DMD: variants seen among roughly 807,000 people sequenced by gnomAD.
DMD encodes the protein dystrophin.
A neutral mutation model predicts 330.1 loss-of-function variants in DMD; 63 were observed. The observed-to-expected ratio is 0.19, with a 90% CI of 0.16 to 0.24. DMD has a LOEUF of 0.24. DMD is among the 10% of genes least tolerant of loss of function. The pLI, the probability that DMD is intolerant of heterozygous loss-of-function variation, is 1.00. For missense variants in DMD, 3,344 were observed against 2,684.1 expected (o/e 1.25, Z -5.43); for synonymous variants, 1,223 against 959.8 (o/e 1.27, Z -5.07).
At chrX:31,382,625 T>C (rs1432781853) in intron 60 of DMD, among the ~76,000 whole-genome samples, 1 of 111,413 alleles carries the variant, frequency 9.0e-6, no homozygotes, top group African/African-American at 3.3e-5. Context: ...TTTTTCTCCT[T>C]CTCTTATTCC....
At chrX:32,770,338 A>C (rs1327027245) in intron 7 of DMD, among the ~76,000 whole-genome samples, 4 of 111,770 alleles carry the variant, frequency 3.6e-5, no homozygotes, top group African/African-American at 1.3e-4. Flanking sequence ...CCAGCAGAGA[A>C]TGTAGAATTT....
intron 7 of DMD, among the ~76,000 whole-genome samples, chrX:32,717,919 A>G: frequency 9.0e-6 from 1 of 111,432 alleles, no homozygotes; most frequent in Non-Finnish European, 1.9e-5. Context: ...CAGGGCCTGT[A>G]ACCCCTTTCT....
intron 43 of DMD, among the ~76,000 whole-genome samples, chrX:32,282,115 A>G (rs1332268674): frequency 8.9e-6 from 1 of 112,145 alleles, no homozygotes; most frequent in Non-Finnish European, 1.9e-5. Context: ...TAGCATTTGA[A>G]CTGTTCTACC....
At position 33,232,465 on chromosome X, in the gene DMD, G is replaced by T. The variant is rs758856101; in HGVS notation, c.7+106794C>A. ...GGGAATATTCTGTGTGGGAAAAAACGGATTGGAGTGGGAGCAGAAAAACAA... is the reference window on the plus strand; with the variant it reads ...GGGAATATTCTGTGTGGGAAAAAACTGATTGGAGTGGGAGCAGAAAAACAA... On this transcript the variant is annotated intron_variant, in intron 1 of 17. Transcript: ENST00000288447. 2.7e-5 allele frequency among the ~76,000 whole-genome samples: 3 copies of T among 111,732 alleles called. No individual in the cohort carries two copies. In the South Asian group the frequency reaches 1.1e-3, roughly 42 times the overall value.
intron 45 of DMD, among the ~76,000 whole-genome samples, chrX:31,955,547 C>T (rs1292827285): frequency 8.9e-6 from 1 of 111,880 alleles, no homozygotes; most frequent in African/African-American, 3.3e-5. Flanking sequence ...CTTATGATCT[C>T]GAAGAGTCAG....
chrX:32,652,202 T>C (rs1478301234), intron 9 of DMD, among the ~76,000 whole-genome samples: 3 of 110,430 alleles, frequency 2.7e-5, no homozygotes, highest in Non-Finnish European at 3.8e-5. Context: ...TTGTTACATA[T>C]GTATACATGT....
intron 51 of DMD, among the ~76,000 whole-genome samples, chrX:31,732,121 C>A (rs1292102099): frequency 9.0e-6 from 1 of 111,314 alleles, no homozygotes; most frequent in Non-Finnish European, 1.9e-5. Context: ...TAATGAGATC[C>A]TTTGAAGCAG....
At chrX:32,831,916 T>A (rs1038776528) in intron 4 of DMD, among the ~76,000 whole-genome samples, 14 of 110,999 alleles carry the variant, frequency 1.3e-4, no homozygotes, top group Non-Finnish European at 1.7e-4. Flanking sequence ...ATATATGGTG[T>A]CTGCCTCTTC....
chrX:32,144,699 C>T (rs1241458502), intron 44 of DMD, among the ~76,000 whole-genome samples: 1 of 111,950 alleles, frequency 8.9e-6, no homozygotes, highest in East Asian at 2.8e-4. Context: ...TGATGTTAAA[C>T]TATTATGCAA....
intron 2 of DMD, among the ~76,000 whole-genome samples, chrX:33,014,409 C>A (rs2093759873): frequency 8.9e-6 from 1 of 111,914 alleles, no homozygotes. Flanking sequence ...AAAACCAGGA[C>A]ACTTACAGTA....
rs754850105 is a variant in DMD, at chrX:32,239,418, C to T, written c.6291-22355G>A. Among the ~76,000 whole-genome samples the T allele has an allele frequency of 4.5e-5, 5 of 111,703 alleles. No homozygotes were observed. The South Asian group carries it at 1.9e-3, about 42-fold the overall frequency. ...AATCGAGGGGAAAGTACAGAGATTTCCCGTATACTCTCTGGCCCCCTTCCT... is the reference window on the plus strand; with the variant it reads ...AATCGAGGGGAAAGTACAGAGATTTTCCGTATACTCTCTGGCCCCCTTCCT... On this transcript the variant is annotated intron_variant, in intron 43 of 78. Transcript: ENST00000357033.
intron 7 of DMD, among the ~76,000 whole-genome samples, chrX:32,746,635 A>T (rs113674259): frequency 6.3e-4 from 71 of 112,247 alleles, no homozygotes; most frequent in African/African-American, 2.2e-3. Flanking sequence ...TATGAATATA[A>T]CATGTAATAA....
In DMD at chrX:31,778,565, A is replaced by ATTTTTTT. The variant is rs36164865; in HGVS notation, c.7310-4380_7310-4374dup. 1.6e-4 allele frequency among the ~76,000 whole-genome samples: 10 copies of ATTTTTTT among 63,039 alleles called. 2 individuals are homozygous for ATTTTTTT. Among genetic ancestry groups the ATTTTTTT allele is most frequent in the South Asian group, 9.6e-4 (1 of 1,039 alleles). The allele number at this position is 63,039 out of a possible 115,157, so 54.7% of individuals were successfully genotyped here. Reference sequence around the variant, plus strand: ...AGGACAGAAGTTTTGAAGTCCTGAAATTTTTTTTTTTTTTTTTTTTTTTTG... The same window carrying ATTTTTTT: ...AGGACAGAAGTTTTGAAGTCCTGAAATTTTTTTTTTTTTTTTTTTTTTTTTTTTTTTG... On this transcript the variant is annotated intron_variant, in intron 50 of 78. Transcript: ENST00000357033.
intron 62 of DMD, among the ~76,000 whole-genome samples, chrX:31,295,276 T>G (rs147120619): frequency 0.053 from 5,910 of 111,282 alleles, 154 homozygotes; most frequent in Non-Finnish European, 0.085. Flanking sequence ...ATTACAGGTG[T>G]GAGCCACCGC....
intron 7 of DMD, among the ~76,000 whole-genome samples, chrX:32,785,153 T>C (rs756788524): frequency 9.1e-4 from 99 of 108,818 alleles, no homozygotes; most frequent in Admixed American, 6.8e-3. Context: ...TTGGAAAAAA[T>C]CTTAGTCTAC....
chrX:32,929,165 T>C (rs774292648), intron 2 of DMD, among the ~76,000 whole-genome samples: 2 of 110,979 alleles, frequency 1.8e-5, no homozygotes, highest in South Asian at 7.8e-4. Context: ...CCATTTGGTA[T>C]ATTTAATTTT....
chrX:32,888,334 C>A (rs755539781), intron 2 of DMD, among the ~76,000 whole-genome samples: 1 of 109,913 alleles, frequency 9.1e-6, no homozygotes, highest in Non-Finnish European at 1.9e-5. Flanking sequence ...CCACAGGCTC[C>A]GGTCTGTCAT....
intron 2 of DMD, among the ~76,000 whole-genome samples, chrX:32,964,842 T>C (rs1002686132): frequency 4.4e-5 from 5 of 112,561 alleles, no homozygotes; most frequent in Non-Finnish European, 9.4e-5. Context: ...TGATCATCAA[T>C]GGCTGCCAAT....
At chrX:31,719,751 T>C (rs1366976925) in intron 52 of DMD, among the ~76,000 whole-genome samples, 2 of 111,340 alleles carry the variant, frequency 1.8e-5, no homozygotes, top group Non-Finnish European at 3.8e-5. Flanking sequence ...ATAGGTTGCT[T>C]GTCCTGGGGT....
Sources: allele counts gnomAD v4.1 joint callset (sites outside exome capture counted in the v4.1 genomes callset), GRCh38; gene constraint gnomAD v4.1.1; transcripts MANE v1.5; gene names NCBI Gene and HGNC (gene_info 2026-07-23, HGNC 2026-07-21).